The following FGD3 variants were observed in gnomAD, a reference collection of about 807,000 sequenced individuals.
The protein encoded by FGD3 is FYVE, RhoGEF and PH domain containing 3, also known as FYVE, RhoGEF and PH domain-containing protein 3.
FGD3 carries 45 observed loss-of-function variants against 71.8 expected under a neutral mutation model. The observed-to-expected ratio is 0.63, with a 90% confidence interval of 0.49 to 0.80. The LOEUF is 0.80. Ranked by LOEUF, FGD3 falls within the 30% of genes least tolerant of loss-of-function variation. FGD3 has a pLI of 0.00. For missense variants in FGD3, 844 were observed against 951.5 expected (o/e 0.89, Z 1.49); for synonymous variants, 378 against 392.8 (o/e 0.96, Z 0.44).
intron 1 of FGD3, among the ~76,000 whole-genome samples, chr9:92,954,548 G>A (rs1182387563): frequency 6.6e-6 from 1 of 152,138 alleles, no homozygotes; most frequent in Non-Finnish European, 1.5e-5. Flanking sequence ...CAGGGGCCGG[G>A]GTCACCTTGC....
At chr9:92,998,289 G>A (rs530490909) in intron 3 of FGD3, among the ~76,000 whole-genome samples, 45 of 152,160 alleles carry the variant, frequency 3.0e-4, no homozygotes, top group Middle Eastern at 3.4e-3. Context: ...CATGCGTCAC[G>A]TAGTTCTCCT....
Position 92,976,579 on chromosome 9 carries a change from ACGCAGAGATGGC to A in FGD3, c.325_336del (p.Ala109_Ala112del), listed in dbSNP as rs1356643736. ...CCAAGCCCCACTGTACTGGGGGCGC[ACGCAGAGATGGC>A]CCTGGACAGCCAGGTCCCGAAGGTC... On this transcript the variant is annotated inframe_deletion, in exon 3 of 18. Coordinates refer to ENST00000375482, the MANE Select transcript of FGD3 (RefSeq NM_001083536.2). The A allele has an allele frequency of 2.5e-6, 4 of 1,612,596 alleles. No homozygotes were observed. The African/African-American group carries it at 4.0e-5, about 16-fold the overall frequency.
intron 1 of FGD3, among the ~76,000 whole-genome samples, chr9:92,949,650 A>C (rs1858917504): frequency 6.6e-6 from 1 of 152,268 alleles, no homozygotes; most frequent in South Asian, 2.1e-4. Context: ...CCACAGTCTC[A>C]GGTTGCCCAG....
chr9:93,010,471 T>C (rs1861275775), intron 7 of FGD3, 87 bp downstream of exon 7: 3 of 1,343,704 alleles, frequency 2.2e-6, no homozygotes, highest in Non-Finnish European at 3.0e-6. Context: ...GAGAGAGTCG[T>C]GGGGTCATGG....
At chr9:92,964,756 G>A (rs950245731) in intron 1 of FGD3, among the ~76,000 whole-genome samples, 1 of 152,030 alleles carries the variant, frequency 6.6e-6, no homozygotes, top group East Asian at 1.9e-4. Context: ...TTTTTCCATC[G>A]GCTGGCAGCG....
intron 3 of FGD3, among the ~76,000 whole-genome samples, chr9:92,981,286 T>C (rs1311497480): frequency 6.8e-6 from 1 of 147,814 alleles, no homozygotes; most frequent in East Asian, 2.0e-4. Flanking sequence ...GAGAATGGCA[T>C]GAACCTGGGA....
intron 13 of FGD3, among the ~76,000 whole-genome samples, chr9:93,021,195 G>A (rs1290527433): frequency 2.0e-5 from 3 of 152,190 alleles, no homozygotes; most frequent in African/African-American, 4.8e-5. Flanking sequence ...GTGCCCCCGT[G>A]CCCTGGGAGA....
At chr9:93,013,519 T>G (rs868367138) in intron 8 of FGD3, among the ~76,000 whole-genome samples, 3 of 152,226 alleles carry the variant, frequency 2.0e-5, no homozygotes, top group African/African-American at 7.2e-5. Context: ...CTGACCGCTC[T>G]GTGCCTCAGT....
intron 7 of FGD3, 53 bp from the exon 8 acceptor site, chr9:93,011,161 A>G: frequency 6.3e-7 from 1 of 1,593,874 alleles, no homozygotes; most frequent in Non-Finnish European, 8.6e-7. Flanking sequence ...CCCTCAGGCA[A>G]GCAAAAACGG....
intron 1 of FGD3, among the ~76,000 whole-genome samples, chr9:92,965,521 C>G (rs1587814752): frequency 6.6e-6 from 1 of 152,208 alleles, no homozygotes; most frequent in Admixed American, 6.5e-5. Context: ...CCAGAGGAGG[C>G]CCCGGTTCCA....
At chr9:93,002,521 A>G (rs1303022369) in intron 3 of FGD3, among the ~76,000 whole-genome samples, 2 of 152,028 alleles carry the variant, frequency 1.3e-5, no homozygotes, top group African/African-American at 4.8e-5. Context: ...ATTTCCCTAC[A>G]CCTTTTACTG....
chr9:92,962,043 G>C (rs1859176456), intron 1 of FGD3, among the ~76,000 whole-genome samples: 1 of 152,168 alleles, frequency 6.6e-6, no homozygotes, highest in African/African-American at 2.4e-5. Flanking sequence ...CTGGGCCATT[G>C]GGGGGCAGGC....
chr9:93,022,480 G>A (rs1484486331), intron 14 of FGD3, 91 bp downstream of exon 14: 1 of 1,395,822 alleles, frequency 7.2e-7, no homozygotes, highest in Non-Finnish European at 9.9e-7. Flanking sequence ...GAGAGGGAGG[G>A]TCAGACCAGG....
chr9:92,993,450 G>C (rs1014440990), intron 3 of FGD3, among the ~76,000 whole-genome samples: 1 of 151,946 alleles, frequency 6.6e-6, no homozygotes, highest in Non-Finnish European at 1.5e-5. Context: ...AATCCATTCA[G>C]CCAATATGTC....
At chr9:92,957,187 G>A (rs900395080) in intron 1 of FGD3, among the ~76,000 whole-genome samples, 1 of 152,256 alleles carries the variant, frequency 6.6e-6, no homozygotes, top group Non-Finnish European at 1.5e-5. Context: ...TGTGTGGACA[G>A]ATGTTTTCTT....
rs367586996 is a variant in FGD3 at position 93,014,437 on chromosome 9, G to A, written c.1182+439G>A. Reference sequence around the variant, plus strand: ...GAGACCCCCCCGGGTGCCATGGCGCGGTAGAAACAGATGTGGTTCTTCTTT... The same window carrying A: ...GAGACCCCCCCGGGTGCCATGGCGCAGTAGAAACAGATGTGGTTCTTCTTT... On this transcript the variant is annotated intron_variant, in intron 9 of 17. Coordinates refer to ENST00000375482, the MANE Select transcript of FGD3 (RefSeq NM_001083536.2). Among the ~76,000 whole-genome samples the A allele has an allele frequency of 4.2e-4, 64 of 152,020 alleles. 1 individual carries two copies. Among genetic ancestry groups the A allele is most frequent in the African/African-American group, 1.4e-3 (59 of 41,490 alleles).
intron 17 of FGD3, 87 bp from the exon 18 acceptor site, chr9:93,035,251 T>C: frequency 6.6e-7 from 1 of 1,513,862 alleles, no homozygotes; most frequent in Non-Finnish European, 8.8e-7. Flanking sequence ...GGTCTGGGAG[T>C]GGCCTCCTGG....
intron 8 of FGD3, 152 bp from the exon 9 acceptor site, chr9:93,013,700 C>T: frequency 1.1e-6 from 1 of 902,462 alleles, no homozygotes; most frequent in Non-Finnish European, 1.7e-6. Context: ...ATACCCAACT[C>T]AAACATCACT....
chr9:92,969,589 G>A lies in FGD3; in HGVS notation c.-217-5649G>A, dbSNP rs534940315. On this transcript the variant is annotated intron_variant, in intron 1 of 17. Transcript: ENST00000375482. This position sits in a 1 kb window ranked among gnomAD's most constrained non-coding sequence, Gnocchi z 4.5. The stretch of plus-strand genomic sequence containing the variant: ...CCGGGGGCCACTGGGCCACTCCAGC[G>A]ACAGGACAAGGGAGGTCCCTGCCTA... Among the ~76,000 whole-genome samples the A allele has an allele frequency of 6.6e-6, 1 of 152,302 alleles. No individual in the cohort carries two copies. Among genetic ancestry groups the A allele is most frequent in the South Asian group, 2.1e-4 (1 of 4,830 alleles).
Sources: allele counts gnomAD v4.1 joint callset (sites outside exome capture counted in the v4.1 genomes callset), GRCh38; gene constraint gnomAD v4.1.1; non-coding constraint Gnocchi (gnomAD v3.1); transcripts MANE v1.5; gene names NCBI Gene and HGNC (gene_info 2026-07-23, HGNC 2026-07-21).